TG: variants seen among roughly 807,000 people sequenced by gnomAD.
TG encodes the protein thyroglobulin, also known as thyroid hormones.
TG carries 270 observed loss-of-function variants against 324.7 expected under a neutral mutation model. The ratio of observed to expected loss-of-function variants is 0.83; its 90% CI spans 0.75 to 0.92. The LOEUF is 0.92. Among genes scored for constraint, TG ranks in the 40% least tolerant of loss-of-function variants. The probability of loss-of-function intolerance (pLI) is 0.00; values close to 1 mark genes in which losing one functional copy is unlikely to be tolerated. For synonymous variants in TG, 1,401 were observed against 1,327.0 expected (o/e 1.06, Z -1.21); for missense variants, 3,591 against 3,456.4 (o/e 1.04, Z -0.98).
intron 41 of TG, among the ~76,000 whole-genome samples, chr8:133,043,934 T>A (rs1838800968): frequency 6.6e-6 from 1 of 152,190 alleles, no homozygotes; most frequent in Non-Finnish European, 1.5e-5. Flanking sequence ...AGGATGGCAA[T>A]GTTCCGCTGG....
intron 40 of TG, 140 bp downstream of exon 40, chr8:133,022,290 A>C (rs913286155): frequency 1.3e-4 from 151 of 1,126,612 alleles, no homozygotes; most frequent in Admixed American, 2.0e-4. Context: ...CACATATGGG[A>C]GACCCTCCGG....
At chr8:133,134,623 G>A in intron 47 of TG, 53 bp from the exon 48 acceptor site, 1 of 1,490,566 alleles carries the variant, frequency 6.7e-7, no homozygotes, top group Non-Finnish European at 9.4e-7. Flanking sequence ...AGGGACCAGA[G>A]AAGAGAAGTC....
intron 27 of TG, among the ~76,000 whole-genome samples, chr8:132,956,907 G>T (rs1730371033): frequency 6.6e-6 from 1 of 152,100 alleles, no homozygotes; most frequent in African/African-American, 2.4e-5. Context: ...ACAGTTTAGG[G>T]ACTAGTCTGA....
chr8:132,883,344 G>A (rs1292099059), intron 8 of TG: 2 of 306,212 alleles, frequency 6.5e-6, no homozygotes, highest in African/African-American at 4.3e-5. Flanking sequence ...AGCAGGTATG[G>A]GAAGGAGGCA....
At chr8:132,995,710 C>T (rs2130796323) in intron 35 of TG, among the ~76,000 whole-genome samples, 1 of 152,218 alleles carries the variant, frequency 6.6e-6, no homozygotes, top group Middle Eastern at 3.4e-3. Context: ...AGTCAAACTT[C>T]TTAGAGAGAA....
intron 35 of TG, chr8:132,994,585 A>C: frequency 1.1e-6 from 1 of 943,148 alleles, no homozygotes. Flanking sequence ...CTAGTGCTAC[A>C]CAAAGTTTTT....
intron 43 of TG, among the ~76,000 whole-genome samples, chr8:133,105,496 A>G (rs1457516219): frequency 6.6e-6 from 1 of 152,142 alleles, no homozygotes; most frequent in African/African-American, 2.4e-5. Flanking sequence ...GTCACTAAGG[A>G]TAGGGAAATA....
intron 40 of TG, among the ~76,000 whole-genome samples, chr8:133,025,828 G>T (rs958299462): frequency 6.6e-6 from 1 of 152,196 alleles, no homozygotes. Flanking sequence ...CTAGGATTCT[G>T]CAGGGAATGT....
intron 29 of TG, among the ~76,000 whole-genome samples, chr8:132,965,906 C>A (rs1187704655): frequency 6.6e-6 from 1 of 152,168 alleles, no homozygotes; most frequent in Non-Finnish European, 1.5e-5. Context: ...AGAAAAGAAT[C>A]TGGACTTATT....
intron 41 of TG, among the ~76,000 whole-genome samples, chr8:133,079,131 A>G (rs1019411946): frequency 2.6e-5 from 4 of 152,174 alleles, no homozygotes; most frequent in Non-Finnish European, 5.9e-5. Context: ...TGATGCCCCC[A>G]CCAAGGACGT....
intron 28 of TG, among the ~76,000 whole-genome samples, chr8:132,961,598 TTCTGAA>T (rs1827770527): frequency 6.6e-6 from 1 of 152,198 alleles, no homozygotes; most frequent in Admixed American, 6.5e-5. Context: ...CCTTCACGTT[TTCTGAA>T]TGTTGACCAA....
At chr8:133,110,188 C>T (rs1048389504) in intron 43 of TG, among the ~76,000 whole-genome samples, 1 of 152,194 alleles carries the variant, frequency 6.6e-6, no homozygotes, top group African/African-American at 2.4e-5. Flanking sequence ...GAACTGAGTT[C>T]TCCCCACTTC....
intron 27 of TG, among the ~76,000 whole-genome samples, chr8:132,956,804 C>G (rs1305837082): frequency 6.6e-6 from 1 of 151,906 alleles, no homozygotes; most frequent in East Asian, 1.9e-4. Flanking sequence ...AAGGTCAAAG[C>G]CTGGGTGGGG....
At chr8:133,004,821 C>T (rs1207851002) in intron 35 of TG, among the ~76,000 whole-genome samples, 1 of 152,104 alleles carries the variant, frequency 6.6e-6, no homozygotes, top group Non-Finnish European at 1.5e-5. Context: ...ATCCCAGCAC[C>T]AGCATGAGAA....
intron 35 of TG, among the ~76,000 whole-genome samples, chr8:132,985,828 T>C (rs1286867699): frequency 6.6e-6 from 1 of 152,134 alleles, no homozygotes; most frequent in African/African-American, 2.4e-5. Flanking sequence ...CATTCTTCAC[T>C]TAACAGTGTT....
chr8:133,097,117 GGCGT>G, intron 43 of TG, among the ~76,000 whole-genome samples: 1 of 152,324 alleles, frequency 6.6e-6, no homozygotes, highest in South Asian at 2.1e-4. Context: ...GACAACTCTG[GGCGT>G]GGGTGGAGTG....
At chr8:132,914,103 A>G (rs984164952) in intron 20 of TG, among the ~76,000 whole-genome samples, 1 of 152,224 alleles carries the variant, frequency 6.6e-6, no homozygotes, top group African/African-American at 2.4e-5. Flanking sequence ...ACACAGCTGC[A>G]TGATTCAGGA....
chr8:133,022,738 C>T (rs1200375967), intron 40 of TG, among the ~76,000 whole-genome samples: 1 of 152,214 alleles, frequency 6.6e-6, no homozygotes, highest in African/African-American at 2.4e-5. Context: ...CCTGGACCAA[C>T]CTAAACATCC....
intron 3 of TG, among the ~76,000 whole-genome samples, 172 bp from the exon 4 acceptor site, chr8:132,871,176 C>T (rs1209343897): frequency 6.6e-6 from 1 of 152,154 alleles, no homozygotes; most frequent in East Asian, 1.9e-4. Flanking sequence ...ACTCAGTCCA[C>T]AGGATACTAG....
Sources: allele counts gnomAD v4.1 joint callset (sites outside exome capture counted in the v4.1 genomes callset), GRCh38; gene constraint gnomAD v4.1.1; transcripts MANE v1.5; gene names NCBI Gene and HGNC (gene_info 2026-07-23, HGNC 2026-07-21).